UBL7: variants seen among roughly 807,000 people sequenced by gnomAD.
UBL7 encodes the protein ubiquitin-like protein 7.
In UBL7, 21 loss-of-function variants were observed where a neutral mutation model predicts 41.7. The ratio of observed to expected loss-of-function variants is 0.50; its 90% CI spans 0.36 to 0.73. The LOEUF is 0.73. Among genes scored for constraint, UBL7 ranks in the 30% least tolerant of loss-of-function variants. UBL7 has a pLI of 0.00. For missense variants in UBL7, 403 were observed against 478.4 expected (o/e 0.84, Z 1.47); for synonymous variants, 157 against 186.9 (o/e 0.84, Z 1.31).
chr15:74,446,021 A>T lies in UBL7; in HGVS notation c.*69T>A. 6.4e-7 allele frequency: 1 copy of T among 1,573,706 alleles called. No individual in the cohort carries two copies. The highest frequency in any genetic ancestry group is 8.6e-7 in the Non-Finnish European group (1 of 1,159,706). On this transcript the variant is annotated 3_prime_UTR_variant, in exon 11 of 11. Coordinates refer to ENST00000395081, the MANE Select transcript of UBL7 (RefSeq NM_032907.5). The surrounding 1 kb of genome is among the most constrained non-coding windows in gnomAD (Gnocchi z 4.1). Reference sequence around the variant, plus strand: ...TATTGGGGAAGGGAGAGATGGAGGCACCTTCATGAGTGCCTCCCAAGGGCA... The same window carrying T: ...TATTGGGGAAGGGAGAGATGGAGGCTCCTTCATGAGTGCCTCCCAAGGGCA...
intron 2 of UBL7, among the ~76,000 whole-genome samples, chr15:74,457,119 T>G (rs992484830): frequency 1.3e-5 from 2 of 152,218 alleles, no homozygotes; most frequent in Admixed American, 6.5e-5. Flanking sequence ...GCCAATTAAA[T>G]ACATTTCAAC....
chr15:74,451,053 C>T (rs2061241095), intron 5 of UBL7, among the ~76,000 whole-genome samples, 194 bp from the exon 6 acceptor site: 1 of 152,252 alleles, frequency 6.6e-6, no homozygotes, highest in East Asian at 1.9e-4. Context: ...GAGGATGGTC[C>T]CCTGCTCTCC....
At chr15:74,448,682 A>G in intron 9 of UBL7, 82 bp from the exon 10 acceptor site, 1 of 1,575,458 alleles carries the variant, frequency 6.3e-7, no homozygotes, top group Admixed American at 1.7e-5. Context: ...ATATCACCTC[A>G]CAGCACTCCT....
chr15:74,449,654 A>T lies in UBL7; in HGVS notation c.686T>A (p.Leu229His). 1 of 1,614,162 alleles carries T rather than the reference A, an allele frequency of 6.2e-7. No individual in the cohort carries two copies. The highest frequency in any genetic ancestry group is 8.5e-7 in the Non-Finnish European group (1 of 1,180,032). The change falls in exon 8 of 11, where the codon CTC becomes CAC. Residue 229 changes from leucine (L) to histidine (H), a missense_variant. Transcript: ENST00000395081. Reference sequence around the variant, plus strand: ...GTGAAAGTCATCCTCATCATCTGAGAGCCCTTCAAACAGGAAGCCACCTGG... The same window carrying T: ...GTGAAAGTCATCCTCATCATCTGAGTGCCCTTCAAACAGGAAGCCACCTGG... ...DMPGGFLFEG[L>H]SDDEDDFHPN...
rs372928216 is a variant in UBL7, at chr15:74,449,896, G to A, written c.664+40C>T. 114 of 1,588,190 alleles carry A rather than the reference G, an allele frequency of 7.2e-5. No individual in the cohort carries two copies. In the South Asian group the frequency reaches 1.2e-3, roughly 17 times the overall value. On this transcript the variant is annotated intron_variant, in intron 7 of 10. Coordinates refer to ENST00000395081, the MANE Select transcript of UBL7 (RefSeq NM_032907.5). Reference sequence around the variant, plus strand: ...TAAAGCAAATTCCTGGGCCACTGCCGGCTCCTGAGGGGCCCACATTACACT... The same window carrying A: ...TAAAGCAAATTCCTGGGCCACTGCCAGCTCCTGAGGGGCCCACATTACACT...
intron 1 of UBL7, among the ~76,000 whole-genome samples, chr15:74,459,475 AT>A (rs372314262): frequency 0.026 from 3,607 of 140,978 alleles, 135 homozygotes; most frequent in African/African-American, 0.086. Flanking sequence ...CGCCAGGCTA[AT>A]TTTTTTTTTT....
In UBL7 at chr15:74,446,368, G is replaced by T; in HGVS notation, c.1006-141C>A. 9.4e-7 allele frequency: 1 copy of T among 1,067,426 alleles called. No individual in the cohort carries two copies. Among genetic ancestry groups the T allele is most frequent in the Non-Finnish European group, 1.3e-6 (1 of 757,822 alleles). The allele number at this position is 1,067,426 out of a possible 1,614,324, so 66.1% of individuals were successfully genotyped here. A position where few individuals can be genotyped will look rare whatever the true frequency, so the allele number is the denominator to read the frequency against. On this transcript the variant is annotated intron_variant, in intron 10 of 10. Coordinates refer to ENST00000395081, the MANE Select transcript of UBL7 (RefSeq NM_032907.5). This position sits in a 1 kb window ranked among gnomAD's most constrained non-coding sequence, Gnocchi z 4.1. ...GATGCTGAGTTCCACAGAACACGGTGCTTCTAGGAAGACTAAAAGATAGGC... is the reference window on the plus strand; with the variant it reads ...GATGCTGAGTTCCACAGAACACGGTTCTTCTAGGAAGACTAAAAGATAGGC...
At position 74,446,692 on chromosome 15, in the gene UBL7, A is replaced by G. The variant is rs760277901; in HGVS notation, c.1006-465T>C. Among the ~76,000 whole-genome samples, 35 of 152,144 alleles carry G rather than the reference A, an allele frequency of 2.3e-4. No homozygotes were observed. The highest frequency in any genetic ancestry group is 4.7e-4 in the Non-Finnish European group (32 of 68,038). ...AATGTCTTAAATTTTTGTGGTATAT[A>G]GTAGGTATATCTATTTGTGGACTGT... is the stretch of plus-strand genomic sequence containing the variant. On this transcript the variant is annotated intron_variant, in intron 10 of 10. Coordinates refer to ENST00000395081, the MANE Select transcript of UBL7 (RefSeq NM_032907.5). The surrounding 1 kb of genome is among the most constrained non-coding windows in gnomAD (Gnocchi z 4.1).
At chr15:74,460,192 A>C (rs1285630479) in intron 1 of UBL7, among the ~76,000 whole-genome samples, 2 of 152,076 alleles carry the variant, frequency 1.3e-5, no homozygotes, top group African/African-American at 4.8e-5. Context: ...CAGTGAGCCG[A>C]GATAGCGCCA....
chr15:74,460,881 T>G (rs2061342748), intron 1 of UBL7, 156 bp downstream of exon 1: 1 of 1,189,490 alleles, frequency 8.4e-7, no homozygotes, highest in African/African-American at 1.6e-5. Flanking sequence ...GGAGGTCGTT[T>G]TATATACCAT....
chr15:74,452,554 G>A (rs2061260133), intron 3 of UBL7, among the ~76,000 whole-genome samples, 176 bp from the exon 4 acceptor site: 1 of 152,210 alleles, frequency 6.6e-6, no homozygotes, highest in Admixed American at 6.5e-5. Context: ...CCATGGATGT[G>A]AAAACTGCTA....
In UBL7 at chr15:74,458,897, C is replaced by T. The variant is rs1423009420; in HGVS notation, c.-29-1G>A. On this transcript the variant is annotated splice_acceptor_variant, in intron 1 of 10. Transcript: ENST00000395081. LOFTEE classifies it low-confidence loss of function (5UTR_SPLICE). ...TCTCTTTCGCGCTCTCTCTTTCTCC[C>T]TGTAAAAGAACAAAACCTCAGTGGT... 1.9e-6 allele frequency: 3 copies of T among 1,603,266 alleles called. No homozygotes were observed. The highest frequency in any genetic ancestry group is 2.5e-6 in the Non-Finnish European group (3 of 1,179,570).
At chr15:74,450,700 A>G (rs2061236023) in intron 6 of UBL7, 102 bp downstream of exon 6, 2 of 1,288,586 alleles carry the variant, frequency 1.6e-6, no homozygotes, top group South Asian at 2.4e-5. Flanking sequence ...TTGGTGACAG[A>G]CTATGGATGG....
chr15:74,460,886 T>C lies in UBL7; in HGVS notation c.-30+151A>G, dbSNP rs189450295. 1.4e-3 allele frequency: 1,668 copies of C among 1,187,534 alleles called. 8 individuals are homozygous for C. Among genetic ancestry groups the C allele is most frequent in the East Asian group, 3.8e-3 (63 of 16,544 alleles). 73.6% of individuals were successfully genotyped at this position (1,187,534 alleles called of 1,614,324 possible). ...TATGCCAGAAGGAGGTCGTTTTATA[T>C]ACCATGTCTCACTTAATCCTCACAA... is the stretch of plus-strand genomic sequence containing the variant. On this transcript the variant is annotated intron_variant, in intron 1 of 10. Coordinates refer to ENST00000395081, the MANE Select transcript of UBL7 (RefSeq NM_032907.5).
In UBL7 at chr15:74,446,378, A is replaced by G. The variant is rs2061184079; in HGVS notation, c.1006-151T>C. On this transcript the variant is annotated intron_variant, in intron 10 of 10. Coordinates refer to ENST00000395081, the MANE Select transcript of UBL7 (RefSeq NM_032907.5). The surrounding 1 kb of genome is among the most constrained non-coding windows in gnomAD (Gnocchi z 4.1). ...TCCACAGAACACGGTGCTTCTAGGA[A>G]GACTAAAAGATAGGCTTGAGGGTTA... The G allele has an allele frequency of 2.0e-6, 2 of 978,206 alleles. No homozygotes were observed. Among genetic ancestry groups the G allele is most frequent in the Non-Finnish European group, 2.9e-6 (2 of 682,150 alleles). 60.6% of individuals were successfully genotyped at this position (978,206 alleles called of 1,614,324 possible). A position where few individuals can be genotyped will look rare whatever the true frequency, so the allele number is the denominator to read the frequency against.
At chr15:74,457,298 C>G (rs1365286723) in intron 2 of UBL7, among the ~76,000 whole-genome samples, 1 of 152,178 alleles carries the variant, frequency 6.6e-6, no homozygotes. Flanking sequence ...AATCCCAACA[C>G]TTTGGGAGGC....
intron 2 of UBL7, among the ~76,000 whole-genome samples, chr15:74,457,568 T>TAC (rs1199299161): frequency 7.4e-6 from 1 of 134,380 alleles, no homozygotes; most frequent in Non-Finnish European, 1.5e-5. Flanking sequence ...TATATATATA[T>TAC]ACACACATAC....
chr15:74,449,445 C>T, intron 8 of UBL7, 92 bp from the exon 9 acceptor site: 2 of 1,550,456 alleles, frequency 1.3e-6, no homozygotes, highest in Non-Finnish European at 1.8e-6. Flanking sequence ...CTTGGGGAAA[C>T]TCTTAAGTTC....
At chr15:74,460,640 A>G (rs1567094563) in intron 1 of UBL7, 1 of 1,248,368 alleles carries the variant, frequency 8.0e-7, no homozygotes, top group Non-Finnish European at 1.0e-6. Context: ...ACAAAAGACT[A>G]AAGTTTTCTT....
Sources: gnomAD v4.1 joint callset for allele counts (sites outside exome capture counted in the v4.1 genomes callset) on GRCh38, gnomAD v4.1.1 for gene constraint, Gnocchi (gnomAD v3.1) non-coding constraint, MANE v1.5 for transcripts, NCBI Gene and HGNC (gene_info 2026-07-23, HGNC 2026-07-21) for gene names.